The following DHX30 variants were observed in gnomAD, a reference collection of about 807,000 sequenced individuals.
The protein encoded by DHX30 is ATP-dependent RNA helicase DHX30.
In DHX30, 4 loss-of-function variants were observed where a neutral mutation model predicts 116.9. The ratio of observed to expected loss-of-function variants is 0.03; its 90% CI spans 0.02 to 0.08. DHX30 has a LOEUF of 0.08. Ranked by LOEUF, DHX30 falls within the 10% of genes least tolerant of loss-of-function variation. The probability of loss-of-function intolerance (pLI) is 1.00; values close to 1 mark genes in which losing one functional copy is unlikely to be tolerated. For missense variants in DHX30, 871 were observed against 1,595.1 expected, an observed-to-expected ratio of 0.55 and a Z score of 7.73; for synonymous variants, 697 against 651.7, an observed-to-expected ratio of 1.07 and a Z score of -1.06.
intron 4 of DHX30, chr3:47,819,381 G>C: frequency 1.0e-6 from 1 of 964,836 alleles, no homozygotes; most frequent in South Asian, 1.2e-5. Context: ...GGAGAACACT[G>C]ATCGCAGGAT....
At chr3:47,824,254 C>T (rs1304515356) in intron 4 of DHX30, among the ~76,000 whole-genome samples, 2 of 152,064 alleles carry the variant, frequency 1.3e-5, no homozygotes, top group Non-Finnish European at 2.9e-5. Flanking sequence ...CTGCCTGCCT[C>T]GGCTTCCGAA....
At chr3:47,840,730 C>A in intron 6 of DHX30, 147 bp from the exon 7 acceptor site, 1 of 891,784 alleles carries the variant, frequency 1.1e-6, no homozygotes, top group Non-Finnish European at 1.7e-6. Context: ...GAGTTCCATG[C>A]CCAGTTCTGG....
At chr3:47,808,678 C>A (rs1052505786) in intron 2 of DHX30, among the ~76,000 whole-genome samples, 1 of 150,084 alleles carries the variant, frequency 6.7e-6, no homozygotes. Context: ...CGGGTTCAAG[C>A]GATTCTCCTG....
chr3:47,803,969 C>A (rs2035411887), intron 1 of DHX30, among the ~76,000 whole-genome samples: 3 of 152,182 alleles, frequency 2.0e-5, no homozygotes, highest in Non-Finnish European at 2.9e-5. Context: ...CATACACTAG[C>A]AGGTAGACTG....
chr3:47,822,810 A>G (rs1476070735), intron 4 of DHX30, among the ~76,000 whole-genome samples: 1 of 149,598 alleles, frequency 6.7e-6, no homozygotes, highest in African/African-American at 2.5e-5. Flanking sequence ...AAAAATAAGA[A>G]AGGCCAGGCG....
chr3:47,816,304 A>G (rs1273025461), intron 3 of DHX30: 2 of 984,840 alleles, frequency 2.0e-6, no homozygotes, highest in African/African-American at 1.8e-5. Flanking sequence ...TGGACTACCT[A>G]GACAGGCAGC....
intron 4 of DHX30, chr3:47,825,773 C>T (rs2036526192): frequency 6.6e-6 from 1 of 152,486 alleles, no homozygotes; most frequent in African/African-American, 2.4e-5. Context: ...GTGGTGGTCT[C>T]AGTGCAGCTC....
chr3:47,820,760 A>G (rs1422799215), intron 4 of DHX30, among the ~76,000 whole-genome samples: 1 of 152,190 alleles, frequency 6.6e-6, no homozygotes, highest in Non-Finnish European at 1.5e-5. Context: ...AGAAGTGGAT[A>G]GAGAGATTGC....
At chr3:47,824,167 T>C (rs1320372409) in intron 4 of DHX30, among the ~76,000 whole-genome samples, 1 of 151,976 alleles carries the variant, frequency 6.6e-6, no homozygotes, top group Non-Finnish European at 1.5e-5. Context: ...TATGCCCGGC[T>C]AATTTTTGTA....
At chr3:47,812,282 G>A (rs1238216133) in intron 3 of DHX30, among the ~76,000 whole-genome samples, 2 of 151,616 alleles carry the variant, frequency 1.3e-5, no homozygotes, top group Non-Finnish European at 2.9e-5. Flanking sequence ...GAGAGGCTGG[G>A]CGCAGTGGCT....
At chr3:47,803,676 G>T (rs1314191801) in intron 1 of DHX30, among the ~76,000 whole-genome samples, 1 of 152,192 alleles carries the variant, frequency 6.6e-6, no homozygotes, top group Non-Finnish European at 1.5e-5. Flanking sequence ...GTGCCTTCTG[G>T]CCCCCCTAGT....
intron 1 of DHX30, among the ~76,000 whole-genome samples, chr3:47,804,520 A>G (rs1180212177): frequency 2.6e-5 from 4 of 152,202 alleles, no homozygotes; most frequent in African/African-American, 9.6e-5. Flanking sequence ...GCGCCATTTC[A>G]CCCCAGCCTG....
rs565342871 is a variant in DHX30 at position 47,849,756 on chromosome 3, C to T, written c.3318C>T (p.Asp1106=). 1.8e-4 allele frequency: 285 copies of T among 1,612,922 alleles called. No individual in the cohort carries two copies. Among genetic ancestry groups the T allele is most frequent in the Middle Eastern group, 3.3e-4 (2 of 6,058 alleles). Residue 1106 remains aspartate, a synonymous_variant, in exon 21 of 22, where the codon GAC becomes GAT. Coordinates refer to ENST00000445061, the MANE Select transcript of DHX30 (RefSeq NM_138615.3). ...PLAVLLLTDG[D]VHIRDDGRRA... Reference sequence around the variant, plus strand: ...CTGTGCTGCTGCTGACCGACGGGGACGTGCACATCCGTGGTGGGTGCCTGC... The same window carrying T: ...CTGTGCTGCTGCTGACCGACGGGGATGTGCACATCCGTGGTGGGTGCCTGC...
Position 47,849,470 on chromosome 3 carries a change from C to T in DHX30, c.3107C>T (p.Thr1036Ile). 1 of 1,575,874 alleles carries T rather than the reference C, an allele frequency of 6.3e-7. No individual in the cohort carries two copies. The highest frequency in any genetic ancestry group is 8.6e-7 in the Non-Finnish European group (1 of 1,157,010). The part of the protein sequence containing the change: ...NLIQVRQGKV[T>I]RQGKFKPNSV... ...CTGCAGGTGAGGCAGGGCAAGGTCACCCGGCAGGGGAAGTTCAAGCCCAAC... is the reference window on the plus strand; with the variant it reads ...CTGCAGGTGAGGCAGGGCAAGGTCATCCGGCAGGGGAAGTTCAAGCCCAAC... The change falls in exon 20 of 22, where the codon ACC becomes ATC. Residue 1036 changes from threonine to isoleucine, a missense_variant. Thr to Ile is a moderately conservative substitution (Grantham distance 89). Around this residue, in one of 13 missense-constraint regions of DHX30, gnomAD observed 238 missense variants for 481.0 expected, o/e 0.49. Coordinates refer to ENST00000445061, the MANE Select transcript of DHX30 (RefSeq NM_138615.3).
At chr3:47,827,528 C>G (rs982498624) in intron 5 of DHX30, 51 bp downstream of exon 5, 1 of 1,573,712 alleles carries the variant, frequency 6.4e-7, no homozygotes, top group African/African-American at 1.4e-5. Context: ...AGAAAGGAGG[C>G]TGTTTGTCCT....
intron 9 of DHX30, among the ~76,000 whole-genome samples, chr3:47,845,219 GCT>G (rs1353916079): frequency 6.6e-6 from 1 of 152,064 alleles, no homozygotes; most frequent in African/African-American, 2.4e-5. Context: ...ACAGAGTCTC[GCT>G]CTGTCGCCCA....
rs931681484 is a variant in DHX30 at position 47,803,156 on chromosome 3, G to T, written c.-179G>T. The T allele has an allele frequency of 7.6e-6, 3 of 394,082 alleles. No individual in the cohort carries two copies. Among genetic ancestry groups the T allele is most frequent in the Non-Finnish European group, 1.3e-5 (3 of 223,022 alleles). The allele number at this position is 394,082 out of a possible 1,614,324, so 24.4% of individuals were successfully genotyped here. A position where few individuals can be genotyped will look rare whatever the true frequency, so the allele number is the denominator to read the frequency against. On this transcript the variant is annotated 5_prime_UTR_variant, in exon 1 of 22. Transcript: ENST00000445061. The stretch of plus-strand genomic sequence containing the variant: ...GGGAGTTGTAGTCCGGCCGTGGTTG[G>T]GGGAGCCGCGGCTCATGCGCGGTGC...
intron 6 of DHX30, among the ~76,000 whole-genome samples, chr3:47,833,268 TA>T (rs567118582): frequency 1.1e-3 from 162 of 152,194 alleles, no homozygotes; most frequent in African/African-American, 3.7e-3. Context: ...CTCATGCCTG[TA>T]ATTCCAGCAA....
At position 47,848,896 on chromosome 3, in the gene DHX30, G is replaced by C. The variant is rs765248956; in HGVS notation, c.2770-24G>C. The C allele has an allele frequency of 9.4e-6, 15 of 1,596,122 alleles. No individual in the cohort carries two copies. Among genetic ancestry groups the C allele is most frequent in the Non-Finnish European group, 1.7e-6 (2 of 1,167,462 alleles). On this transcript the variant is annotated intron_variant, in intron 17 of 21. Transcript: ENST00000445061. The surrounding 1 kb of genome is among the most constrained non-coding windows in gnomAD (Gnocchi z 9.4). ...GTTGTCTAGCCCCTGCCTGTGATCCGGCTGCCCTCTTCTCCCCTCCCAGGT... is the reference window on the plus strand; with the variant it reads ...GTTGTCTAGCCCCTGCCTGTGATCCCGCTGCCCTCTTCTCCCCTCCCAGGT...
Sources: gnomAD v4.1 joint callset for allele counts (sites outside exome capture counted in the v4.1 genomes callset) on GRCh38, gnomAD v4.1.1 for gene constraint, gnomAD v4.1.1 regional missense constraint, Gnocchi (gnomAD v3.1) non-coding constraint, MANE v1.5 for transcripts, NCBI Gene and HGNC (gene_info 2026-07-23, HGNC 2026-07-21) for gene names.